DNAH7: variants seen among roughly 807,000 people sequenced by gnomAD.
DNAH7 encodes the protein axonemal beta dynein heavy chain 7.
DNAH7 carries 397 observed loss-of-function variants against 444.6 expected under a neutral mutation model. The observed-to-expected ratio is 0.89, with a 90% CI of 0.82 to 0.97. DNAH7 has a LOEUF of 0.97. Ranked by LOEUF, DNAH7 falls within the 50% of genes least tolerant of loss-of-function variation. The pLI is 0.00. For synonymous variants in DNAH7, 1,636 were observed against 1,624.4 expected, an observed-to-expected ratio of 1.01 and a Z score of -0.17; for missense variants, 4,902 against 4,800.8, an observed-to-expected ratio of 1.02 and a Z score of -0.62.
intron 31 of DNAH7, among the ~76,000 whole-genome samples, chr2:195,889,541 C>T (rs1215012193): frequency 1.3e-5 from 2 of 152,162 alleles, no homozygotes; most frequent in Non-Finnish European, 1.5e-5. Flanking sequence ...TGGTCTTGAA[C>T]TCCTGAGCTC....
intron 19 of DNAH7, among the ~76,000 whole-genome samples, chr2:195,953,641 G>A (rs925717896): frequency 7.9e-5 from 12 of 152,334 alleles, no homozygotes; most frequent in Non-Finnish European, 1.6e-4. Context: ...GCCCAGAGAG[G>A]AGGAATCTAG....
intron 2 of DNAH7, among the ~76,000 whole-genome samples, chr2:196,055,299 C>A (rs1370272706): frequency 6.6e-6 from 1 of 152,044 alleles, no homozygotes; most frequent in Admixed American, 6.5e-5. Context: ...GCCATGATCA[C>A]ACCACTGCAC....
At chr2:195,875,627 G>T (rs1316500544) in intron 38 of DNAH7, 48 bp downstream of exon 38, 2 of 1,507,676 alleles carry the variant, frequency 1.3e-6, no homozygotes, top group Admixed American at 4.4e-5. Flanking sequence ...TTTAGCTATT[G>T]CTAGGGAGAT....
At chr2:195,800,933 C>A (rs1696416208) in intron 54 of DNAH7, among the ~76,000 whole-genome samples, 1 of 152,122 alleles carries the variant, frequency 6.6e-6, no homozygotes, top group Non-Finnish European at 1.5e-5. Context: ...ATCTGTACTC[C>A]CTTTACTATT....
chr2:196,006,781 A>G (rs1490572439), intron 10 of DNAH7, among the ~76,000 whole-genome samples: 1 of 152,134 alleles, frequency 6.6e-6, no homozygotes, highest in African/African-American at 2.4e-5. Context: ...AATTGAGAAG[A>G]CCATTCCATT....
At chr2:195,814,979 C>T (rs1477632041) in intron 51 of DNAH7, among the ~76,000 whole-genome samples, 3 of 151,720 alleles carry the variant, frequency 2.0e-5, no homozygotes, top group Non-Finnish European at 4.4e-5. Flanking sequence ...TGGACTCATG[C>T]AAGCTGCTCA....
chr2:195,807,155 CT>C lies in DNAH7; in HGVS notation c.10084-324del, dbSNP rs758778847. Among the ~76,000 whole-genome samples, 263 of 146,722 alleles carry C rather than the reference CT, an allele frequency of 1.8e-3. 1 individual carries two copies. Among genetic ancestry groups the C allele is most frequent in the African/African-American group, 5.4e-3 (217 of 40,266 alleles). On this transcript the variant is annotated intron_variant, in intron 53 of 64. Coordinates refer to ENST00000312428, the MANE Select transcript of DNAH7 (RefSeq NM_018897.3). ...CTTTATTCCTCCAAACACAGGCATTCTTTTTTTTTTTCTTTTTTTAAGATGG... is the reference window on the plus strand; with the variant it reads ...CTTTATTCCTCCAAACACAGGCATTCTTTTTTTTTTCTTTTTTTAAGATGG...
Position 195,861,910 on chromosome 2 carries a change from GTGA to G in DNAH7, c.7540_7542del (p.Ser2514del). 1 of 1,613,856 alleles carries G rather than the reference GTGA, an allele frequency of 6.2e-7. No individual in the cohort carries two copies. The highest frequency in any genetic ancestry group is 1.1e-5 in the South Asian group (1 of 91,066). On this transcript the variant is annotated inframe_deletion, in exon 42 of 65. Transcript: ENST00000312428. The stretch of plus-strand genomic sequence containing the variant: ...GACATTTCAATTTCTTCCAAGAATC[GTGA>G]GGCAACTGCCTGGAGTGCATCTTCA...
Position 195,765,671 on chromosome 2 carries a change from A to G in DNAH7, c.11433+5989T>C, listed in dbSNP as rs1694538007. Among the ~76,000 whole-genome samples, 3 of 152,342 alleles carry G rather than the reference A, an allele frequency of 2.0e-5. No individual in the cohort carries two copies. In the South Asian group the frequency reaches 6.2e-4, roughly 32 times the overall value. On this transcript the variant is annotated intron_variant, in intron 61 of 64. Coordinates refer to ENST00000312428, the MANE Select transcript of DNAH7 (RefSeq NM_018897.3). ...TCAGAGAAACCCAAATCAAAACTAC[A>G]ATAAGATATCATCTCGCCCTAGTTA...
At chr2:195,954,788 G>A (rs925159414) in intron 19 of DNAH7, among the ~76,000 whole-genome samples, 3 of 152,192 alleles carry the variant, frequency 2.0e-5, no homozygotes, top group African/African-American at 7.2e-5. Context: ...GTGATGATGA[G>A]CATTTTTTCA....
At chr2:195,847,191 G>A (rs892296392) in intron 46 of DNAH7, among the ~76,000 whole-genome samples, 1 of 145,724 alleles carries the variant, frequency 6.9e-6, no homozygotes, top group Admixed American at 6.9e-5. Context: ...TATCCTACTA[G>A]TTTTGTCCCT....
At chr2:195,754,554 T>C (rs759154393) in intron 62 of DNAH7, 40 bp from the exon 63 acceptor site, 1 of 1,573,608 alleles carries the variant, frequency 6.4e-7, no homozygotes. Flanking sequence ...GTAGCACCTT[T>C]CAACCTTTTT....
At chr2:195,875,886 C>T in intron 37 of DNAH7, 43 bp from the exon 38 acceptor site, 1 of 1,556,570 alleles carries the variant, frequency 6.4e-7, no homozygotes, top group Non-Finnish European at 8.7e-7. Flanking sequence ...ATTAACATCT[C>T]AACATACAGT....
At chr2:195,914,611 C>T (rs1201283275) in intron 24 of DNAH7, among the ~76,000 whole-genome samples, 2 of 152,222 alleles carry the variant, frequency 1.3e-5, no homozygotes, top group Admixed American at 6.5e-5. Flanking sequence ...ATGAGGAAGA[C>T]TCACACATTA....
chr2:195,876,775 T>C, intron 36 of DNAH7, 76 bp from the exon 37 acceptor site: 1 of 1,003,042 alleles, frequency 1.0e-6, no homozygotes, highest in South Asian at 1.6e-5. Context: ...TAAGCATCAT[T>C]ACTGATAGAC....
At chr2:195,795,024 C>T (rs1041666212) in intron 56 of DNAH7, among the ~76,000 whole-genome samples, 1 of 152,286 alleles carries the variant, frequency 6.6e-6, no homozygotes, top group Non-Finnish European at 1.5e-5. Flanking sequence ...TACAATTCAA[C>T]AGGTCATGAG....
At chr2:196,046,314 C>A (rs1271960834) in intron 5 of DNAH7, among the ~76,000 whole-genome samples, 1 of 152,028 alleles carries the variant, frequency 6.6e-6, no homozygotes, top group Non-Finnish European at 1.5e-5. Flanking sequence ...CAACTGAAAT[C>A]CTGTATAAAG....
intron 41 of DNAH7, 29 bp from the exon 42 acceptor site, chr2:195,861,975 TTATTAAGATTACGA>T: frequency 6.4e-7 from 1 of 1,552,576 alleles, no homozygotes; most frequent in Non-Finnish European, 8.9e-7. Context: ...CTTTAGCATT[TTATTAAGATTACGA>T]ATCTGGATCT....
intron 39 of DNAH7, among the ~76,000 whole-genome samples, chr2:195,873,326 C>T (rs567856038): frequency 1.3e-5 from 2 of 152,284 alleles, no homozygotes; most frequent in East Asian, 3.9e-4. Context: ...TAATTGAACT[C>T]AGTGGTGAAA....
Sources: allele counts gnomAD v4.1 joint callset (sites outside exome capture counted in the v4.1 genomes callset), GRCh38; gene constraint gnomAD v4.1.1; transcripts MANE v1.5; gene names NCBI Gene and HGNC (gene_info 2026-07-23, HGNC 2026-07-21).